ANKDD1B: variants seen among roughly 807,000 people sequenced by gnomAD.
ANKDD1B encodes the protein ankyrin repeat and death domain-containing protein 1B.
ANKDD1B carries 57 observed loss-of-function variants against 59.7 expected under a neutral mutation model. The ratio of observed to expected loss-of-function variants is 0.95; its 90% CI spans 0.77 to 1.19. The LOEUF (loss-of-function observed/expected upper bound fraction) is 1.19, where lower values mean the gene tolerates loss of function less well. Ranked by LOEUF, ANKDD1B falls within the 50% of genes most tolerant of loss-of-function variation. The pLI is 0.00. For synonymous variants in ANKDD1B, 216 were observed against 239.5 expected (o/e 0.90, Z 0.91); for missense variants, 602 against 641.9 (o/e 0.94, Z 0.67).
rs192584041 is a variant in ANKDD1B, at chr5:75,669,418, C to G, written c.1525+35C>G. ...AGTTTCAACAACAGAAATTCTTTCT[C>G]CCTTAAAATTTCAGGAAGCAGTCTA... On this transcript the variant is annotated intron_variant, in intron 13 of 13. Coordinates refer to ENST00000601380, the MANE Select transcript of ANKDD1B (RefSeq NM_001276713.2). The G allele has an allele frequency of 1.5e-4, 180 of 1,231,410 alleles. No homozygotes were observed. In the African/African-American group the frequency reaches 2.6e-3, roughly 18 times the overall value. The allele number at this position is 1,231,410 out of a possible 1,614,324, so 76.3% of individuals were successfully genotyped here.
intron 5 of ANKDD1B, among the ~76,000 whole-genome samples, chr5:75,627,818 A>G (rs1774032369): frequency 6.6e-6 from 1 of 152,186 alleles, no homozygotes; most frequent in Non-Finnish European, 1.5e-5. Flanking sequence ...CAGAAACCAA[A>G]GCAGGTTTGC....
chr5:75,653,193 G>A lies in ANKDD1B; in HGVS notation c.850G>A (p.Val284Ile). Residue 284 changes from valine to isoleucine, a missense_variant, in exon 8 of 14, where the codon GTC (valine) becomes ATC (isoleucine). Physicochemically the swap from Val to Ile is conservative, Grantham distance 29. Around this residue, in one of 3 missense-constraint regions of ANKDD1B, gnomAD observed 280 missense variants for 319.8 expected, o/e 0.88. Transcript: ENST00000601380. ...IATRNGHASL[V>I]NFLLSENVDL... ...AACCAGGAACGGCCATGCATCCCTTGTCAACTTTCTTCTCAGTGAGAACGT... is the reference window on the plus strand; with the variant it reads ...AACCAGGAACGGCCATGCATCCCTTATCAACTTTCTTCTCAGTGAGAACGT... 1 of 1,536,106 alleles carries A rather than the reference G, an allele frequency of 6.5e-7. No individual in the cohort carries two copies. Among genetic ancestry groups the A allele is most frequent in the Non-Finnish European group, 8.7e-7 (1 of 1,146,896 alleles).
chr5:75,634,890 A>AT lies in ANKDD1B; in HGVS notation c.601-3dup, dbSNP rs778093924. ...AATAAATGCTTGAGGTTTGTGATTG[A>AT]TTTTTAGAAAGGAAGAAAACCATTT... On this transcript the variant is annotated splice_polypyrimidine_tract_variant and splice_region_variant and intron_variant, in intron 5 of 13. Transcript: ENST00000601380. The AT allele has an allele frequency of 2.0e-4, 298 of 1,513,942 alleles. No individual in the cohort carries two copies. The highest frequency in any genetic ancestry group is 5.1e-4 in the Admixed American group (26 of 50,888). The allele number at this position is 1,513,942 out of a possible 1,614,324, so 93.8% of individuals were successfully genotyped here. A position where few individuals can be genotyped will look rare whatever the true frequency, so the allele number is the denominator to read the frequency against.
At position 75,671,812 on chromosome 5, in the gene ANKDD1B, T is replaced by TAAG. The variant is rs1775493757; in HGVS notation, c.*774_*776dup. ...AAGAACATGCATTATTTTTGTAATC[T>TAAG]AAGAGTTATGAAATAAATGTAAAAT... On this transcript the variant is annotated 3_prime_UTR_variant, in exon 14 of 14. Transcript: ENST00000601380. 6.7e-6 allele frequency: 1 copy of TAAG among 148,218 alleles called. No homozygotes were observed. Among genetic ancestry groups the TAAG allele is most frequent in the Non-Finnish European group, 1.5e-5 (1 of 67,108 alleles). The allele number at this position is 148,218 out of a possible 1,614,324, so 9.2% of individuals were successfully genotyped here.
At chr5:75,649,451 C>T (rs974650239) in intron 7 of ANKDD1B, among the ~76,000 whole-genome samples, 4 of 152,074 alleles carry the variant, frequency 2.6e-5, no homozygotes, top group African/African-American at 9.7e-5. Context: ...TTGTGGTTTT[C>T]TTTTGGTATC....
At chr5:75,624,333 T>C (rs1286575974) in intron 3 of ANKDD1B, among the ~76,000 whole-genome samples, 1 of 152,234 alleles carries the variant, frequency 6.6e-6, no homozygotes, top group Non-Finnish European at 1.5e-5. Context: ...GTGTCTGCCC[T>C]ATCCTGCTTC....
At chr5:75,648,547 T>G (rs2112348) in intron 7 of ANKDD1B, among the ~76,000 whole-genome samples, 20,265 of 152,216 alleles carry the variant, frequency 0.13, 3,540 homozygotes, top group African/African-American at 0.4. Context: ...GACTGAGACT[T>G]CAGGCTCCAT....
chr5:75,639,243 C>T (rs750035356), intron 7 of ANKDD1B, among the ~76,000 whole-genome samples: 15 of 152,126 alleles, frequency 9.9e-5, no homozygotes, highest in Non-Finnish European at 1.9e-4. Flanking sequence ...GTTGCCCAGG[C>T]GGGAGTACAA....
rs1350347848 is a variant in ANKDD1B at position 75,635,006 on chromosome 5, A to G, written c.699+10A>G. On this transcript the variant is annotated intron_variant, in intron 6 of 13. Coordinates refer to ENST00000601380, the MANE Select transcript of ANKDD1B (RefSeq NM_001276713.2). ...TTCAGAAAAGGACAAGGTGAGTTGG[A>G]CTTTTATTTCTTTGCTGAGAACAAG... The G allele has an allele frequency of 6.7e-7, 1 of 1,497,284 alleles. No homozygotes were observed. Among genetic ancestry groups the G allele is most frequent in the Non-Finnish European group, 9.0e-7 (1 of 1,112,118 alleles). The allele number at this position is 1,497,284 out of a possible 1,614,324, so 92.7% of individuals were successfully genotyped here. A position where few individuals can be genotyped will look rare whatever the true frequency, so the allele number is the denominator to read the frequency against.
At chr5:75,645,483 A>C (rs1360653042) in intron 7 of ANKDD1B, among the ~76,000 whole-genome samples, 1 of 22,816 alleles carries the variant, frequency 4.4e-5, no homozygotes, top group Non-Finnish European at 6.7e-5. Flanking sequence ...CTATGCAAAT[A>C]AACTAGAAAA....
At chr5:75,670,292 T>C (rs916835978) in intron 13 of ANKDD1B, among the ~76,000 whole-genome samples, 3 of 152,260 alleles carry the variant, frequency 2.0e-5, no homozygotes, top group Non-Finnish European at 2.9e-5. Flanking sequence ...ACAAAAGATA[T>C]CATTCTACTT....
chr5:75,651,061 A>AG (rs1308490622), intron 7 of ANKDD1B, among the ~76,000 whole-genome samples: 1 of 152,240 alleles, frequency 6.6e-6, no homozygotes, highest in Non-Finnish European at 1.5e-5. Flanking sequence ...CAAAAGGCAG[A>AG]GAGCAGCAGC....
chr5:75,661,396 GAAAAAA>G (rs11357068), intron 10 of ANKDD1B, among the ~76,000 whole-genome samples: 2 of 36,812 alleles, frequency 5.4e-5, no homozygotes, highest in Admixed American at 5.2e-4. Context: ...AACTCCGTCT[GAAAAAA>G]AAAAAAAAAA....
intron 3 of ANKDD1B, among the ~76,000 whole-genome samples, chr5:75,622,481 C>A (rs543045656): frequency 6.6e-6 from 1 of 152,240 alleles, no homozygotes; most frequent in South Asian, 2.1e-4. Context: ...TGCTAGGGAC[C>A]AAAGTGAGCA....
At chr5:75,667,788 A>C (rs1256167958) in intron 12 of ANKDD1B, among the ~76,000 whole-genome samples, 1 of 152,224 alleles carries the variant, frequency 6.6e-6, no homozygotes, top group Non-Finnish European at 1.5e-5. Flanking sequence ...ACATCCTAAG[A>C]CGAGAAGGTG....
chr5:75,640,039 A>G (rs193207841), intron 7 of ANKDD1B, among the ~76,000 whole-genome samples: 262 of 151,554 alleles, frequency 1.7e-3, no homozygotes, highest in Non-Finnish European at 3.1e-3. Flanking sequence ...TTCTGAGATT[A>G]TCTTTCTTTT....
intron 7 of ANKDD1B, among the ~76,000 whole-genome samples, chr5:75,648,253 TAAAAAAAAAAAATTAAA>T (rs1404876749): frequency 5.4e-5 from 2 of 37,294 alleles, no homozygotes; most frequent in Non-Finnish European, 1.1e-4. Flanking sequence ...AAAGTATAAT[TAAAAAAAAAAAATTAAA>T]AAAAAAAAAA....
At chr5:75,612,318 G>A in intron 1 of ANKDD1B, among the ~76,000 whole-genome samples, 1 of 99,680 alleles carries the variant, frequency 1.0e-5, no homozygotes, top group East Asian at 2.9e-4. Flanking sequence ...GTCTGCCCCC[G>A]CCCCCCCCCG....
chr5:75,629,503 A>G (rs916656244), intron 5 of ANKDD1B, among the ~76,000 whole-genome samples: 1 of 152,178 alleles, frequency 6.6e-6, no homozygotes, highest in African/African-American at 2.4e-5. Flanking sequence ...ATGGCTATTT[A>G]TGAAATTTTT....
Sources: gnomAD v4.1 joint callset for allele counts (sites outside exome capture counted in the v4.1 genomes callset) on GRCh38, gnomAD v4.1.1 for gene constraint, gnomAD v4.1.1 regional missense constraint, MANE v1.5 for transcripts, NCBI Gene and HGNC (gene_info 2026-07-23, HGNC 2026-07-21) for gene names.